Variants in MAPKAP1 observed in about 807,000 individuals in gnomAD.
MAPKAP1 encodes target of rapamycin complex 2 subunit MAPKAP1.
In MAPKAP1, 20 loss-of-function variants were observed where a neutral mutation model predicts 65.7. The ratio of observed to expected loss-of-function variants is 0.30; its 90% confidence interval spans 0.21 to 0.44. The LOEUF is 0.44. Among genes scored for constraint, MAPKAP1 ranks in the 20% least tolerant of loss-of-function variants. The probability of loss-of-function intolerance (pLI) is 1.00; values close to 1 mark genes in which losing one functional copy is unlikely to be tolerated. For synonymous variants in MAPKAP1, 222 were observed against 244.3 expected (o/e 0.91, Z 0.85); for missense variants, 423 against 648.0 (o/e 0.65, Z 3.77).
chr9:125,578,929 T>A (rs978724505), intron 5 of MAPKAP1, among the ~76,000 whole-genome samples: 2 of 152,214 alleles, frequency 1.3e-5, no homozygotes, highest in African/African-American at 4.8e-5. Flanking sequence ...CCAGAACCCA[T>A]GGAATATTGA....
At chr9:125,468,801 C>T (rs905152639) in intron 9 of MAPKAP1, among the ~76,000 whole-genome samples, 5 of 152,200 alleles carry the variant, frequency 3.3e-5, no homozygotes, top group South Asian at 2.1e-4. Context: ...GTGAGTTTTA[C>T]GCAACAGGAA....
chr9:125,669,504 T>C (rs1446364966), intron 3 of MAPKAP1, among the ~76,000 whole-genome samples: 1 of 151,782 alleles, frequency 6.6e-6, no homozygotes, highest in East Asian at 1.9e-4. Flanking sequence ...ATAATAAAAA[T>C]CAAATCATAG....
chr9:125,526,080 G>A (rs1829758316), intron 7 of MAPKAP1, among the ~76,000 whole-genome samples: 1 of 152,216 alleles, frequency 6.6e-6, no homozygotes, highest in Non-Finnish European at 1.5e-5. Flanking sequence ...TGGCAAAGGT[G>A]GCAGTGGTGC....
chr9:125,606,174 A>C (rs1189304981), intron 4 of MAPKAP1, among the ~76,000 whole-genome samples: 2 of 152,154 alleles, frequency 1.3e-5, no homozygotes, highest in African/African-American at 4.8e-5. Context: ...GTGGTCTCCT[A>C]ATCTTTTAAA....
At chr9:125,631,572 C>G (rs186701773) in intron 4 of MAPKAP1, among the ~76,000 whole-genome samples, 1 of 152,318 alleles carries the variant, frequency 6.6e-6, no homozygotes, top group East Asian at 1.9e-4. Flanking sequence ...CCTCACCACA[C>G]TAAATTCCCT....
intron 7 of MAPKAP1, among the ~76,000 whole-genome samples, chr9:125,512,530 C>A (rs1385426272): frequency 6.6e-6 from 1 of 152,030 alleles, no homozygotes; most frequent in East Asian, 1.9e-4. Context: ...GTCGTTTAAT[C>A]TTTATGTTTC....
intron 4 of MAPKAP1, among the ~76,000 whole-genome samples, chr9:125,639,493 T>C (rs1407630412): frequency 6.6e-6 from 1 of 152,240 alleles, no homozygotes; most frequent in Non-Finnish European, 1.5e-5. Flanking sequence ...TATATGCTTG[T>C]TGTCATTATT....
At chr9:125,612,286 A>G (rs939472737) in intron 4 of MAPKAP1, among the ~76,000 whole-genome samples, 1 of 152,200 alleles carries the variant, frequency 6.6e-6, no homozygotes, top group Non-Finnish European at 1.5e-5. Context: ...CTAAAATCAC[A>G]TTCTTTCCAA....
chr9:125,669,978 C>T lies in MAPKAP1; in HGVS notation c.260-71G>A, dbSNP rs1014265337. ...CCATAAACAAAGACATAATTAACTA[C>T]CTTTACATGAATAAAGATGTTTTAT... On this transcript the variant is annotated intron_variant, in intron 2 of 11. Coordinates refer to ENST00000265960, the MANE Select transcript of MAPKAP1 (RefSeq NM_001006617.3). The T allele has an allele frequency of 3.8e-5, 31 of 825,032 alleles. No individual in the cohort carries two copies. The East Asian group carries it at 8.6e-4, about 23-fold the overall frequency. 51.1% of individuals were successfully genotyped at this position (825,032 alleles called of 1,614,324 possible).
chr9:125,484,062 G>GA (rs1189809229), intron 9 of MAPKAP1, among the ~76,000 whole-genome samples: 5 of 152,154 alleles, frequency 3.3e-5, no homozygotes, highest in African/African-American at 7.2e-5. Flanking sequence ...AAAGCTTCCT[G>GA]AATAAAGGCC....
intron 9 of MAPKAP1, chr9:125,477,982 G>C (rs1041845418): frequency 6.6e-6 from 1 of 152,242 alleles, no homozygotes; most frequent in African/African-American, 2.4e-5. Context: ...TTCCAAGAAT[G>C]TTTTAGAGAA....
At chr9:125,537,015 T>G (rs1221082638) in intron 7 of MAPKAP1, among the ~76,000 whole-genome samples, 2 of 152,252 alleles carry the variant, frequency 1.3e-5, no homozygotes, top group African/African-American at 2.4e-5. Context: ...TGCACTTCCC[T>G]CGTGCATTTA....
At chr9:125,660,298 G>A (rs1834146361) in intron 3 of MAPKAP1, among the ~76,000 whole-genome samples, 1 of 152,164 alleles carries the variant, frequency 6.6e-6, no homozygotes, top group African/African-American at 2.4e-5. Context: ...AGGGGCACGA[G>A]GGAACTTTTT....
intron 5 of MAPKAP1, among the ~76,000 whole-genome samples, chr9:125,579,039 C>G: frequency 6.6e-6 from 1 of 152,276 alleles, no homozygotes; most frequent in African/African-American, 2.4e-5. Flanking sequence ...TAAAGAATAA[C>G]AAAGTCTAAA....
chr9:125,606,165 T>C (rs990548313), intron 4 of MAPKAP1, among the ~76,000 whole-genome samples: 1 of 151,968 alleles, frequency 6.6e-6, no homozygotes, highest in Non-Finnish European at 1.5e-5. Context: ...ATACATTAAG[T>C]GGTCTCCTAA....
intron 4 of MAPKAP1, among the ~76,000 whole-genome samples, chr9:125,645,959 A>T (rs1057498967): frequency 3.9e-5 from 6 of 152,094 alleles, no homozygotes; most frequent in African/African-American, 7.2e-5. Flanking sequence ...ATTTTTAAAA[A>T]TTTTTTGAGA....
chr9:125,571,538 C>G (rs980077905), intron 5 of MAPKAP1, among the ~76,000 whole-genome samples: 2 of 152,278 alleles, frequency 1.3e-5, no homozygotes, highest in East Asian at 1.9e-4. Flanking sequence ...AGCAAACTAA[C>G]GTAATCTTTT....
Position 125,464,108 on chromosome 9 carries a change from A to G in MAPKAP1, c.1345+3864T>C, listed in dbSNP as rs565843930. Among the ~76,000 whole-genome samples the G allele has an allele frequency of 2.7e-5, 4 of 147,102 alleles. No homozygotes were observed. The East Asian group carries it at 6.4e-4, about 24-fold the overall frequency. On this transcript the variant is annotated intron_variant, in intron 10 of 11. Coordinates refer to ENST00000265960, the MANE Select transcript of MAPKAP1 (RefSeq NM_001006617.3). The stretch of plus-strand genomic sequence containing the variant: ...ACTGGACATGGTGGCGCATGCCTGT[A>G]GTCCCAGCTATTTGGTGGGTTGAGG...
chr9:125,588,028 A>C (rs573412629), intron 4 of MAPKAP1, among the ~76,000 whole-genome samples: 1 of 152,368 alleles, frequency 6.6e-6, no homozygotes, highest in East Asian at 1.9e-4. Context: ...AAAATGAAAC[A>C]CAGAATTACC....
Sources: allele counts gnomAD v4.1 joint callset (sites outside exome capture counted in the v4.1 genomes callset), GRCh38; gene constraint gnomAD v4.1.1; transcripts MANE v1.5; gene names NCBI Gene and HGNC (gene_info 2026-07-23, HGNC 2026-07-21).